The following TINAG variants were observed in gnomAD, a reference collection of about 807,000 sequenced individuals.
TINAG encodes the protein tubulointerstitial nephritis antigen.
In TINAG, 83 loss-of-function variants were observed where a neutral mutation model predicts 72.7. The ratio of observed to expected loss-of-function variants is 1.14; its 90% CI spans 0.96 to 1.37. The LOEUF is 1.37. TINAG is among the 40% of genes most tolerant of loss of function. The pLI is 0.00. For synonymous variants in TINAG, 234 were observed against 189.9 expected, an observed-to-expected ratio of 1.23 and a Z score of -1.91; for missense variants, 685 against 576.6, an observed-to-expected ratio of 1.19 and a Z score of -1.93.
At chr6:54,373,309 A>G (rs762100734) in intron 9 of TINAG, among the ~76,000 whole-genome samples, 1 of 152,086 alleles carries the variant, frequency 6.6e-6, no homozygotes, top group Non-Finnish European at 1.5e-5. Flanking sequence ...TGAATGCATG[A>G]AGGCCACCTC....
chr6:54,377,564 G>A (rs1209831084), intron 9 of TINAG, among the ~76,000 whole-genome samples: 2 of 151,972 alleles, frequency 1.3e-5, no homozygotes, highest in African/African-American at 4.8e-5. Flanking sequence ...TAAGGTTCTG[G>A]TCTGTCTAAA....
intron 4 of TINAG, 68 bp from the exon 5 acceptor site, chr6:54,343,158 G>T: frequency 7.6e-7 from 1 of 1,321,632 alleles, no homozygotes; most frequent in Non-Finnish European, 1.0e-6. Flanking sequence ...TTTATAAAAG[G>T]GCGTGACATT....
At chr6:54,387,122 G>T (rs1300142993) in intron 10 of TINAG, among the ~76,000 whole-genome samples, 1 of 152,016 alleles carries the variant, frequency 6.6e-6, no homozygotes, top group African/African-American at 2.4e-5. Context: ...AAGAAAAGGG[G>T]AAATCCAAAT....
intron 9 of TINAG, among the ~76,000 whole-genome samples, chr6:54,359,845 T>C (rs1235214947): frequency 2.0e-5 from 3 of 151,814 alleles, no homozygotes; most frequent in African/African-American, 7.2e-5. Context: ...ATTCAAGAAA[T>C]GAATGCATTA....
intron 4 of TINAG, among the ~76,000 whole-genome samples, chr6:54,333,571 CA>C (rs1398764922): frequency 6.6e-6 from 1 of 151,100 alleles, no homozygotes; most frequent in East Asian, 1.9e-4. Flanking sequence ...ACCTTTGTAA[CA>C]AACCTGCACG....
intron 9 of TINAG, among the ~76,000 whole-genome samples, chr6:54,366,787 G>A (rs1763437456): frequency 6.6e-6 from 1 of 151,634 alleles, no homozygotes; most frequent in Admixed American, 6.6e-5. Flanking sequence ...AATGTAGTCA[G>A]GCAAGTAGAA....
intron 1 of TINAG, among the ~76,000 whole-genome samples, chr6:54,314,846 C>T (rs940835069): frequency 6.6e-5 from 10 of 152,038 alleles, no homozygotes; most frequent in African/African-American, 2.2e-4. Context: ...AATTTAGGGT[C>T]ATAGTTTATG....
chr6:54,335,941 C>T (rs1020828641), intron 4 of TINAG, among the ~76,000 whole-genome samples: 1 of 152,076 alleles, frequency 6.6e-6, no homozygotes, highest in Non-Finnish European at 1.5e-5. Flanking sequence ...ATCTCCTTGG[C>T]CATATTGCTT....
At chr6:54,353,751 T>C (rs994356601) in intron 8 of TINAG, among the ~76,000 whole-genome samples, 2 of 151,856 alleles carry the variant, frequency 1.3e-5, no homozygotes, top group Non-Finnish European at 2.9e-5. Flanking sequence ...TTATTTAAAA[T>C]GCTTGTCAAA....
chr6:54,334,753 T>C (rs1562157547), intron 4 of TINAG, among the ~76,000 whole-genome samples: 1 of 152,180 alleles, frequency 6.6e-6, no homozygotes, highest in African/African-American at 2.4e-5. Context: ...TAAGTCTACT[T>C]ACTCCAGTTA....
chr6:54,314,147 TA>T (rs1784320855), intron 1 of TINAG, among the ~76,000 whole-genome samples: 1 of 152,166 alleles, frequency 6.6e-6, no homozygotes, highest in Non-Finnish European at 1.5e-5. Flanking sequence ...GTTTATTTGA[TA>T]AAAACTATGT....
intron 10 of TINAG, 47 bp from the exon 11 acceptor site, chr6:54,389,744 T>C (rs944538511): frequency 6.5e-7 from 1 of 1,550,098 alleles, no homozygotes; most frequent in South Asian, 1.2e-5. Flanking sequence ...TTTTAAAAAA[T>C]ACCAAAGTAT....
In TINAG at chr6:54,349,702, C is replaced by G. The variant is rs1785214248; in HGVS notation, c.900-14C>G. On this transcript the variant is annotated splice_polypyrimidine_tract_variant and intron_variant, in intron 6 of 10. Transcript: ENST00000259782. Reference sequence around the variant, plus strand: ...CCTAAATATTACCTTTGCTTCTTTGCTTATTCCTCATAGACTGGTATCCCA... The same window carrying G: ...CCTAAATATTACCTTTGCTTCTTTGGTTATTCCTCATAGACTGGTATCCCA... 1 of 1,526,088 alleles carries G rather than the reference C, an allele frequency of 6.6e-7. No homozygotes were observed. The highest frequency in any genetic ancestry group is 1.8e-4 in the Middle Eastern group (1 of 5,694). The allele number at this position is 1,526,088 out of a possible 1,614,324, so 94.5% of individuals were successfully genotyped here. A position where few individuals can be genotyped will look rare whatever the true frequency, so the allele number is the denominator to read the frequency against.
chr6:54,363,671 G>T (rs910264806), intron 9 of TINAG, among the ~76,000 whole-genome samples: 1 of 149,376 alleles, frequency 6.7e-6, no homozygotes, highest in Admixed American at 6.7e-5. Flanking sequence ...AGAGAGAAAA[G>T]TTGAGCATGG....
chr6:54,357,336 C>G (rs901025181), intron 9 of TINAG, among the ~76,000 whole-genome samples: 4 of 151,848 alleles, frequency 2.6e-5, no homozygotes, highest in Non-Finnish European at 4.4e-5. Flanking sequence ...TGAGTTCATC[C>G]TGGCTTTAAG....
intron 4 of TINAG, among the ~76,000 whole-genome samples, chr6:54,327,557 G>GT (rs368218609): frequency 0.022 from 3,309 of 150,032 alleles, 127 homozygotes; most frequent in African/African-American, 0.075. Flanking sequence ...AGCTGCAGGA[G>GT]TTTTTTTTTT....
intron 4 of TINAG, among the ~76,000 whole-genome samples, chr6:54,327,982 T>A (rs1784648027): frequency 1.3e-5 from 2 of 152,160 alleles, no homozygotes; most frequent in Middle Eastern, 3.4e-3. Flanking sequence ...GGCTTATAGA[T>A]AAAACTCCCA....
At chr6:54,326,061 C>G (rs1784595350) in intron 3 of TINAG, among the ~76,000 whole-genome samples, 1 of 151,936 alleles carries the variant, frequency 6.6e-6, no homozygotes, top group Admixed American at 6.6e-5. Context: ...GATTAAATTA[C>G]TTGCATCTTT....
chr6:54,313,087 A>G (rs1167662044), intron 1 of TINAG, among the ~76,000 whole-genome samples: 2 of 152,188 alleles, frequency 1.3e-5, no homozygotes, highest in Non-Finnish European at 2.9e-5. Flanking sequence ...ATTTTCATCG[A>G]AAAATAGAAA....
Sources: gnomAD v4.1 joint callset for allele counts (sites outside exome capture counted in the v4.1 genomes callset) on GRCh38, gnomAD v4.1.1 for gene constraint, MANE v1.5 for transcripts, NCBI Gene and HGNC (gene_info 2026-07-23, HGNC 2026-07-21) for gene names.